The following NCALD variants were observed in gnomAD, a reference collection of about 807,000 sequenced individuals.
The protein encoded by NCALD is neurocalcin-delta.
NCALD carries 10 observed loss-of-function variants against 18.6 expected under a neutral mutation model. That is an observed-to-expected ratio of 0.54 (90% CI 0.33 to 0.91). The LOEUF is 0.91. NCALD is among the 40% of genes least tolerant of loss of function. The pLI is 0.03. For missense variants in NCALD, 184 were observed against 247.6 expected (o/e 0.74, Z 1.72); for synonymous variants, 88 against 87.4 (o/e 1.01, Z -0.04).
chr8:101,782,083 T>TTA lies in NCALD; in HGVS notation c.-20+8777_-20+8778dup, dbSNP rs1417778518. On this transcript the variant is annotated intron_variant, in intron 1 of 3. Coordinates refer to ENST00000220931, the MANE Select transcript of NCALD (RefSeq NM_032041.3). ...TTTCAGTATATATATATTGTATGTT[T>TTA]TATATATATATAAATATACATATAA... Among the ~76,000 whole-genome samples the TTA allele has an allele frequency of 1.0e-4, 15 of 147,934 alleles. No individual in the cohort carries two copies. The East Asian group carries it at 1.9e-3, about 19-fold the overall frequency.
At chr8:102,022,712 A>G (rs530526043) in intron 1 of NCALD, among the ~76,000 whole-genome samples, 1 of 152,148 alleles carries the variant, frequency 6.6e-6, no homozygotes, top group Non-Finnish European at 1.5e-5. Context: ...AACATGATGA[A>G]CTAGAGCAAT....
chr8:101,744,320 C>T (rs144084462), intron 1 of NCALD, among the ~76,000 whole-genome samples: 56 of 152,282 alleles, frequency 3.7e-4, no homozygotes, highest in African/African-American at 1.0e-3. Flanking sequence ...CCACCTCTTC[C>T]CAAAGCAAAT....
intron 1 of NCALD, among the ~76,000 whole-genome samples, chr8:102,066,574 A>G (rs1408109883): frequency 6.6e-6 from 1 of 152,204 alleles, no homozygotes; most frequent in African/African-American, 2.4e-5. Context: ...ATGTAGCTTT[A>G]AAAGAATACA....
At chr8:101,817,726 A>G (rs1175304087) in intron 4 of NCALD, among the ~76,000 whole-genome samples, 1 of 152,174 alleles carries the variant, frequency 6.6e-6, no homozygotes, top group African/African-American at 2.4e-5. Flanking sequence ...TGAAAGATGC[A>G]TTGTTCCCGA....
intron 1 of NCALD, among the ~76,000 whole-genome samples, chr8:102,121,157 G>T (rs966965155): frequency 5.3e-5 from 8 of 152,320 alleles, no homozygotes; most frequent in Admixed American, 4.6e-4. Context: ...CCTATAAGGA[G>T]CTAAGTAGTA....
intron 1 of NCALD, among the ~76,000 whole-genome samples, chr8:101,751,775 G>A (rs73699933): frequency 0.019 from 2,871 of 152,214 alleles, 105 homozygotes; most frequent in East Asian, 0.11. Flanking sequence ...AGTGATTTCT[G>A]CTTATTCGGG....
intron 1 of NCALD, among the ~76,000 whole-genome samples, chr8:101,787,264 T>G (rs1188417343): frequency 1.3e-5 from 2 of 152,172 alleles, no homozygotes; most frequent in African/African-American, 2.4e-5. Flanking sequence ...TTTATCAAGT[T>G]GCTAGAGACT....
intron 1 of NCALD, among the ~76,000 whole-genome samples, chr8:102,103,604 G>A (rs1486935181): frequency 6.6e-6 from 1 of 151,966 alleles, no homozygotes; most frequent in Non-Finnish European, 1.5e-5. Flanking sequence ...ACTCAGCCTG[G>A]AGGGTGGTGG....
intron 3 of NCALD, among the ~76,000 whole-genome samples, chr8:101,905,893 TAC>T (rs1366248774): frequency 6.6e-6 from 1 of 152,246 alleles, no homozygotes; most frequent in Non-Finnish European, 1.5e-5. Flanking sequence ...AGGAGATTCA[TAC>T]AGTTTCTGCA....
chr8:101,892,003 G>A (rs965847455), intron 3 of NCALD, among the ~76,000 whole-genome samples: 21 of 152,286 alleles, frequency 1.4e-4, no homozygotes, highest in Admixed American at 4.6e-4. Context: ...AACTGGGTGG[G>A]GCCCACCACA....
chr8:101,869,447 C>T (rs890185788), intron 4 of NCALD, among the ~76,000 whole-genome samples: 2 of 152,170 alleles, frequency 1.3e-5, no homozygotes, highest in African/African-American at 4.8e-5. Context: ...GAATGCAGCC[C>T]TGCTGGGACC....
At chr8:101,834,289 C>A (rs1261224751) in intron 4 of NCALD, among the ~76,000 whole-genome samples, 2 of 152,250 alleles carry the variant, frequency 1.3e-5, no homozygotes, top group East Asian at 3.8e-4. Context: ...CGGTGTCCCC[C>A]TGCTGGGGCT....
At chr8:101,946,231 A>T (rs893329419) in intron 2 of NCALD, among the ~76,000 whole-genome samples, 14 of 152,220 alleles carry the variant, frequency 9.2e-5, no homozygotes, top group African/African-American at 3.4e-4. Context: ...ATATAACATT[A>T]TTTAAATATT....
intron 3 of NCALD, among the ~76,000 whole-genome samples, chr8:101,911,245 A>G (rs535951478): frequency 2.4e-4 from 37 of 151,734 alleles, no homozygotes; most frequent in Middle Eastern, 3.4e-3. Context: ...AGTAGAGAAA[A>G]GAAAAATATA....
intron 3 of NCALD, among the ~76,000 whole-genome samples, chr8:101,901,460 G>A (rs1728360672): frequency 6.6e-6 from 1 of 151,582 alleles, no homozygotes; most frequent in Non-Finnish European, 1.5e-5. Flanking sequence ...ACTTATTGTG[G>A]GTATTTAGGA....
intron 1 of NCALD, among the ~76,000 whole-genome samples, chr8:101,773,724 C>T (rs1291060967): frequency 6.6e-6 from 1 of 152,134 alleles, no homozygotes; most frequent in Non-Finnish European, 1.5e-5. Flanking sequence ...GTTGAATATT[C>T]CTTTTCTAAA....
At chr8:101,761,742 C>T (rs1013362796) in intron 1 of NCALD, among the ~76,000 whole-genome samples, 1 of 152,174 alleles carries the variant, frequency 6.6e-6, no homozygotes, top group African/African-American at 2.4e-5. Context: ...GAGCTGCGCA[C>T]GCAGCTACCC....
intron 2 of NCALD, among the ~76,000 whole-genome samples, chr8:101,991,918 G>C (rs1416227025): frequency 6.6e-6 from 1 of 152,130 alleles, no homozygotes; most frequent in African/African-American, 2.4e-5. Flanking sequence ...GTCTCACTGG[G>C]GACTTGCCAT....
intron 4 of NCALD, among the ~76,000 whole-genome samples, chr8:101,846,249 A>G (rs1028174899): frequency 2.6e-5 from 4 of 152,154 alleles, no homozygotes; most frequent in African/African-American, 9.7e-5. Flanking sequence ...GACTCTCCAT[A>G]CTTTTTTCCG....
Sources: allele counts gnomAD v4.1 joint callset (sites outside exome capture counted in the v4.1 genomes callset), GRCh38; gene constraint gnomAD v4.1.1; transcripts MANE v1.5; gene names NCBI Gene and HGNC (gene_info 2026-07-23, HGNC 2026-07-21).